Variants in TESK2 observed in about 807,000 individuals in gnomAD.
TESK2 encodes dual specificity testis-specific protein kinase 2.
TESK2 carries 39 observed loss-of-function variants against 57.1 expected under a neutral mutation model. That is an observed-to-expected ratio of 0.68 (90% CI 0.53 to 0.89). The LOEUF is 0.89. TESK2 is among the 40% of genes least tolerant of loss of function. The probability of loss-of-function intolerance (pLI) is 0.00; values close to 1 mark genes in which losing one functional copy is unlikely to be tolerated. For missense variants in TESK2, 646 were observed against 732.1 expected (o/e 0.88, Z 1.36); for synonymous variants, 249 against 267.9 (o/e 0.93, Z 0.69).
At chr1:45,456,414 G>C (rs1652097236) in intron 2 of TESK2, among the ~76,000 whole-genome samples, 1 of 151,898 alleles carries the variant, frequency 6.6e-6, no homozygotes, top group Non-Finnish European at 1.5e-5. Context: ...AGCTACTAGG[G>C]AGGCTGAGGC....
intron 4 of TESK2, among the ~76,000 whole-genome samples, chr1:45,363,003 G>C (rs1262306175): frequency 6.6e-6 from 1 of 152,056 alleles, no homozygotes; most frequent in Non-Finnish European, 1.5e-5. Context: ...AGAAGAGTTA[G>C]GATAACCAAG....
chr1:45,407,927 T>C (rs769518669), intron 3 of TESK2, among the ~76,000 whole-genome samples: 33 of 152,152 alleles, frequency 2.2e-4, no homozygotes, highest in Non-Finnish European at 4.3e-4. Flanking sequence ...GCCAAACATA[T>C]CAGGAAATAC....
At position 45,345,370 on chromosome 1, in the gene TESK2, T is replaced by G; in HGVS notation, c.1186A>C (p.Thr396Pro). The G allele has an allele frequency of 6.2e-7, 1 of 1,613,780 alleles. No homozygotes were observed. Among genetic ancestry groups the G allele is most frequent in the Non-Finnish European group, 8.5e-7 (1 of 1,179,970 alleles). Residue 396 changes from threonine (T) to proline (P), a missense_variant, in exon 11 of 11, where the codon ACC (threonine) becomes CCC (proline). Thr to Pro is a conservative substitution (Grantham distance 38). Transcript: ENST00000372086. The stretch of plus-strand genomic sequence containing the variant: ...GCACTAAAAGGGTTGACTTTGGGGG[T>G]GCGGGCAGCACCATCTCGTGGCCGG... ...YYRPRDGAAR[T>P]PKVNPFSARQ...
intron 3 of TESK2, among the ~76,000 whole-genome samples, chr1:45,415,715 C>T (rs994585953): frequency 2.6e-5 from 4 of 152,158 alleles, no homozygotes; most frequent in Non-Finnish European, 4.4e-5. Flanking sequence ...AATAACAACT[C>T]CGTAAAATAT....
intron 1 of TESK2, among the ~76,000 whole-genome samples, chr1:45,462,918 A>G (rs1368095163): frequency 6.6e-6 from 1 of 152,176 alleles, no homozygotes; most frequent in Non-Finnish European, 1.5e-5. Flanking sequence ...CATCTTTTGA[A>G]TAAAAGCCAT....
chr1:45,486,818 CAT>C (rs1553160313), intron 1 of TESK2, among the ~76,000 whole-genome samples: 3 of 140,180 alleles, frequency 2.1e-5, no homozygotes, highest in Non-Finnish European at 4.6e-5. Flanking sequence ...CACACACACA[CAT>C]ATATACATTT....
chr1:45,346,822 C>G (rs756761808), intron 8 of TESK2, 43 bp from the exon 9 acceptor site: 6 of 1,581,564 alleles, frequency 3.8e-6, no homozygotes, highest in Non-Finnish European at 5.2e-6. Context: ...GTTCATTAAT[C>G]CCCCCACCCA....
intron 8 of TESK2, 51 bp from the exon 9 acceptor site, chr1:45,346,830 C>T (rs1647150254): frequency 6.4e-7 from 1 of 1,570,238 alleles, no homozygotes; most frequent in Non-Finnish European, 8.8e-7. Context: ...ATCCCCCCAC[C>T]CATCCTAGCC....
At chr1:45,372,889 G>A (rs754055408) in intron 4 of TESK2, among the ~76,000 whole-genome samples, 3 of 151,592 alleles carry the variant, frequency 2.0e-5, no homozygotes, top group Non-Finnish European at 4.4e-5. Flanking sequence ...TTAGCTGGGC[G>A]TAGTGGTGCA....
rs190276123 is a variant in TESK2 at position 45,481,876 on chromosome 1, C to T, written c.-87+8976G>A. 1.2e-4 allele frequency among the ~76,000 whole-genome samples: 19 copies of T among 152,122 alleles called. 1 individual carries two copies. The highest frequency in any genetic ancestry group is 5.2e-4 in the Admixed American group (8 of 15,264). ...ACACAAATACAAACCATACATGGTGCCATTCATAGTCAACAGTAAACAAAT... is the reference window on the plus strand; with the variant it reads ...ACACAAATACAAACCATACATGGTGTCATTCATAGTCAACAGTAAACAAAT... On this transcript the variant is annotated intron_variant, in intron 1 of 10. Coordinates refer to ENST00000372086, the MANE Select transcript of TESK2 (RefSeq NM_007170.3).
At chr1:45,441,146 T>A (rs1170973590) in intron 2 of TESK2, among the ~76,000 whole-genome samples, 1 of 152,188 alleles carries the variant, frequency 6.6e-6, no homozygotes, top group Non-Finnish European at 1.5e-5. Context: ...GTGGTAATAT[T>A]GCTTTGTTGT....
At chr1:45,356,618 T>TAAA (rs57535694) in intron 4 of TESK2, among the ~76,000 whole-genome samples, 2 of 129,760 alleles carry the variant, frequency 1.5e-5, no homozygotes, top group South Asian at 2.6e-4. Context: ...GACCCTGTCT[T>TAAA]AAAAAAAAAA....
At chr1:45,419,634 C>T (rs1650383452) in intron 3 of TESK2, among the ~76,000 whole-genome samples, 1 of 151,830 alleles carries the variant, frequency 6.6e-6, no homozygotes, top group East Asian at 1.9e-4. Context: ...GGTAAAACCC[C>T]GTCTCTACTA....
At chr1:45,477,705 G>A (rs1653054399) in intron 1 of TESK2, among the ~76,000 whole-genome samples, 1 of 151,698 alleles carries the variant, frequency 6.6e-6, no homozygotes, top group Non-Finnish European at 1.5e-5. Context: ...GACAATACAG[G>A]TGACAGTTAA....
At chr1:45,407,437 T>C (rs1238810060) in intron 3 of TESK2, among the ~76,000 whole-genome samples, 3 of 152,204 alleles carry the variant, frequency 2.0e-5, no homozygotes, top group African/African-American at 4.8e-5. Context: ...ATTTCTTCTA[T>C]AATTGTTTGT....
intron 2 of TESK2, among the ~76,000 whole-genome samples, chr1:45,447,610 A>C (rs2149296139): frequency 6.6e-6 from 1 of 152,296 alleles, no homozygotes; most frequent in East Asian, 1.9e-4. Context: ...GTACACTCTA[A>C]AATAACAATT....
At chr1:45,386,744 C>T (rs748656796) in intron 3 of TESK2, among the ~76,000 whole-genome samples, 12 of 152,020 alleles carry the variant, frequency 7.9e-5, no homozygotes, top group Non-Finnish European at 1.0e-4. Context: ...ACCTCCGCCT[C>T]CCGGGTTCAA....
rs115520420 is a variant in TESK2 at position 45,349,168 on chromosome 1, A to G, written c.541-1168T>C. ...AGCCTTGGTATCTAGTTGCTAAGAC[A>G]TGCCAAGTCACCTCCTGCTTACTCC... is the stretch of plus-strand genomic sequence containing the variant. On this transcript the variant is annotated intron_variant, in intron 5 of 10. Transcript: ENST00000372086. Among the ~76,000 whole-genome samples the G allele has an allele frequency of 1.5e-4, 22 of 151,080 alleles. No homozygotes were observed. The East Asian group carries it at 4.1e-3, about 28-fold the overall frequency.
chr1:45,361,338 A>G (rs1647676629), intron 4 of TESK2, among the ~76,000 whole-genome samples: 1 of 152,258 alleles, frequency 6.6e-6, no homozygotes, highest in African/African-American at 2.4e-5. Flanking sequence ...GCCCTATAAA[A>G]TGACCCAAGG....
Sources: gnomAD v4.1 joint callset for allele counts (sites outside exome capture counted in the v4.1 genomes callset) on GRCh38, gnomAD v4.1.1 for gene constraint, MANE v1.5 for transcripts, NCBI Gene and HGNC (gene_info 2026-07-23, HGNC 2026-07-21) for gene names.